LPP: variants seen among roughly 807,000 people sequenced by gnomAD.
LPP encodes the protein lipoma-preferred partner.
Under a neutral mutation model 60.4 loss-of-function variants are expected in LPP, and 38 were observed. The ratio of observed to expected loss-of-function variants is 0.63; its 90% CI spans 0.49 to 0.83. LPP has a LOEUF of 0.83. LPP is among the 40% of genes least tolerant of loss of function. The probability of loss-of-function intolerance (pLI) is 0.00; values close to 1 mark genes in which losing one functional copy is unlikely to be tolerated. For synonymous variants in LPP, 328 were observed against 290.8 expected (o/e 1.13, Z -1.30); for missense variants, 902 against 783.6 (o/e 1.15, Z -1.80).
intron 8 of LPP, chr3:188,759,411 G>A (rs1731403535): frequency 6.6e-6 from 1 of 152,186 alleles, no homozygotes; most frequent in South Asian, 2.1e-4. Context: ...TAACAGACTT[G>A]GAAGCAATGC....
At chr3:188,338,449 A>G (rs1035790845) in intron 2 of LPP, among the ~76,000 whole-genome samples, 2 of 152,256 alleles carry the variant, frequency 1.3e-5, no homozygotes, top group African/African-American at 2.4e-5. Flanking sequence ...TCCTTTTACT[A>G]CTACCTCTGT....
chr3:188,242,001 T>G (rs1725071156), intron 2 of LPP, among the ~76,000 whole-genome samples: 1 of 152,226 alleles, frequency 6.6e-6, no homozygotes, highest in Non-Finnish European at 1.5e-5. Context: ...TCCTCTTGAG[T>G]TACAGTGAGT....
chr3:188,209,256 T>G (rs1266600773), intron 1 of LPP, among the ~76,000 whole-genome samples: 1 of 152,124 alleles, frequency 6.6e-6, no homozygotes, highest in Non-Finnish European at 1.5e-5. Flanking sequence ...CTAAATTGGG[T>G]ATAATACTAC....
intron 1 of LPP, among the ~76,000 whole-genome samples, chr3:188,195,686 A>G (rs1172091965): frequency 1.3e-5 from 2 of 152,250 alleles, no homozygotes; most frequent in Non-Finnish European, 2.9e-5. Flanking sequence ...AATGTAAAAT[A>G]TCTTATTAAT....
At chr3:188,200,940 T>A (rs1388696367) in intron 1 of LPP, among the ~76,000 whole-genome samples, 1 of 152,216 alleles carries the variant, frequency 6.6e-6, no homozygotes, top group Non-Finnish European at 1.5e-5. Context: ...TTTATTTATG[T>A]AAAATATATA....
intron 4 of LPP, among the ~76,000 whole-genome samples, chr3:188,412,019 GATA>G (rs1785023842): frequency 6.7e-6 from 1 of 149,246 alleles, no homozygotes; most frequent in African/African-American, 2.5e-5. Flanking sequence ...AATGAAATTT[GATA>G]ATACTTTTTA....
At chr3:188,520,561 G>A (rs1268429010) in intron 5 of LPP, among the ~76,000 whole-genome samples, 1 of 152,198 alleles carries the variant, frequency 6.6e-6, no homozygotes, top group East Asian at 1.9e-4. Flanking sequence ...TGAAATTTGG[G>A]TGGAGACTCA....
chr3:188,327,150 G>A (rs531992350), intron 2 of LPP, among the ~76,000 whole-genome samples: 1 of 152,206 alleles, frequency 6.6e-6, no homozygotes, highest in Non-Finnish European at 1.5e-5. Flanking sequence ...TTTCATTCCT[G>A]GCCAAAGACT....
At chr3:188,374,260 T>G (rs1774243594) in intron 3 of LPP, among the ~76,000 whole-genome samples, 2 of 152,112 alleles carry the variant, frequency 1.3e-5, no homozygotes, top group South Asian at 4.1e-4. Context: ...CATTGGTAGC[T>G]TGATGGGGAT....
intron 6 of LPP, among the ~76,000 whole-genome samples, chr3:188,603,083 C>T (rs954693091): frequency 5.3e-5 from 8 of 150,584 alleles, no homozygotes; most frequent in Non-Finnish European, 1.0e-4. Context: ...GCTTTAAAGT[C>T]AGAAGAGTAA....
At chr3:188,434,375 T>C (rs1483084324) in intron 4 of LPP, among the ~76,000 whole-genome samples, 3 of 152,198 alleles carry the variant, frequency 2.0e-5, no homozygotes, top group Non-Finnish European at 2.9e-5. Context: ...TTCAATTTCA[T>C]TACAAAAATT....
At chr3:188,308,555 G>A (rs535635467) in intron 2 of LPP, among the ~76,000 whole-genome samples, 17 of 152,260 alleles carry the variant, frequency 1.1e-4, no homozygotes, top group Non-Finnish European at 2.2e-4. Flanking sequence ...CCCAGGCACC[G>A]AACAATCGAA....
chr3:188,396,429 A>G (rs542388416), intron 3 of LPP, among the ~76,000 whole-genome samples: 1 of 152,358 alleles, frequency 6.6e-6, no homozygotes, highest in African/African-American at 2.4e-5. Flanking sequence ...TTGTAAATGG[A>G]TATCTAAAAT....
chr3:188,762,722 G>A (rs555143487), intron 9 of LPP, among the ~76,000 whole-genome samples: 16 of 151,638 alleles, frequency 1.1e-4, no homozygotes, highest in Admixed American at 3.3e-4. Context: ...ATTTAATCGC[G>A]TACTTGGAAG....
At chr3:188,500,749 T>G (rs1300416438) in intron 5 of LPP, among the ~76,000 whole-genome samples, 2 of 152,154 alleles carry the variant, frequency 1.3e-5, no homozygotes, top group Non-Finnish European at 2.9e-5. Context: ...CATATTCAGA[T>G]TTTTTATTTG....
chr3:188,332,115 A>T lies in LPP; in HGVS notation c.-66-9548A>T, dbSNP rs543189521. Among the ~76,000 whole-genome samples, 44 of 152,010 alleles carry T rather than the reference A, an allele frequency of 2.9e-4. 1 individual carries two copies. The South Asian group carries it at 9.1e-3, about 32-fold the overall frequency. ...TCTCTTTAAATTTTATAACGTATAT[A>T]CTCTTATAAAAGTTACCATCATGTT... On this transcript the variant is annotated intron_variant, in intron 2 of 11. Transcript: ENST00000617246.
intron 3 of LPP, among the ~76,000 whole-genome samples, chr3:188,357,886 G>C (rs2150905951): frequency 6.6e-6 from 1 of 152,274 alleles, no homozygotes; most frequent in East Asian, 1.9e-4. Context: ...CTAGAGTGTG[G>C]AAGGATCTTG....
At chr3:188,613,365 G>T (rs1372152004) in intron 7 of LPP, among the ~76,000 whole-genome samples, 4 of 145,738 alleles carry the variant, frequency 2.7e-5, no homozygotes, top group Non-Finnish European at 6.2e-5. Context: ...TAGATAAGGT[G>T]GCTCAGCTTG....
chr3:188,864,014 AC>A (rs1212148584), intron 9 of LPP, among the ~76,000 whole-genome samples: 1 of 148,588 alleles, frequency 6.7e-6, no homozygotes, highest in Non-Finnish European at 1.5e-5. Flanking sequence ...TCCTGGGAAG[AC>A]AATTTCCAGC....
Sources: gnomAD v4.1 joint callset for allele counts (sites outside exome capture counted in the v4.1 genomes callset) on GRCh38, gnomAD v4.1.1 for gene constraint, MANE v1.5 for transcripts, NCBI Gene and HGNC (gene_info 2026-07-23, HGNC 2026-07-21) for gene names.